The following TBC1D5 variants were observed in gnomAD, a reference collection of about 807,000 sequenced individuals.
The protein encoded by TBC1D5 is TBC1 domain family, member 5.
TBC1D5 carries 75 observed loss-of-function variants against 100.3 expected under a neutral mutation model. The observed-to-expected ratio is 0.75, with a 90% confidence interval of 0.62 to 0.91. The LOEUF (loss-of-function observed/expected upper bound fraction) is 0.91, where lower values mean the gene tolerates loss of function less well. Ranked by LOEUF, TBC1D5 falls within the 40% of genes least tolerant of loss-of-function variation. The pLI is 0.00. For synonymous variants in TBC1D5, 323 were observed against 325.6 expected (o/e 0.99, Z 0.09); for missense variants, 910 against 942.4 (o/e 0.97, Z 0.45).
intron 1 of TBC1D5, among the ~76,000 whole-genome samples, chr3:17,708,284 C>G (rs9881006): frequency 6.6e-6 from 1 of 152,314 alleles, no homozygotes; most frequent in African/African-American, 2.4e-5. Flanking sequence ...CTGTATCTAT[C>G]GATCTACTTT....
rs761650040 is a variant in TBC1D5 at position 17,238,136 on chromosome 3, T to C, written c.1588+27A>G. On this transcript the variant is annotated intron_variant, in intron 17 of 21. Coordinates refer to ENST00000253692, the Ensembl canonical transcript of TBC1D5. ...CCCAGGCTACACCATGAATGTTTTCTTTAGATTTACTAGTATTTTTTCCTA... is the reference window on the plus strand; with the variant it reads ...CCCAGGCTACACCATGAATGTTTTCCTTAGATTTACTAGTATTTTTTCCTA... 1.9e-6 allele frequency: 3 copies of C among 1,600,862 alleles called. No individual in the cohort carries two copies. The South Asian group carries it at 3.4e-5, about 18-fold the overall frequency.
chr3:17,564,077 C>T (rs770332936), intron 2 of TBC1D5, among the ~76,000 whole-genome samples: 7 of 152,174 alleles, frequency 4.6e-5, no homozygotes, highest in Non-Finnish European at 1.0e-4. Context: ...CCACCGTGCC[C>T]GGCCTTACAG....
chr3:17,228,411 A>G (rs1356623091), intron 17 of TBC1D5, among the ~76,000 whole-genome samples: 1 of 152,238 alleles, frequency 6.6e-6, no homozygotes, highest in Non-Finnish European at 1.5e-5. Context: ...AGTGGAAGGC[A>G]TAGAGATGGC....
At chr3:17,224,871 C>T (rs1193770254) in intron 17 of TBC1D5, among the ~76,000 whole-genome samples, 3 of 152,138 alleles carry the variant, frequency 2.0e-5, no homozygotes, top group Non-Finnish European at 4.4e-5. Flanking sequence ...CAGCTCTTAT[C>T]AAAACTTATC....
At chr3:17,455,381 C>A (rs2095050316) in intron 3 of TBC1D5, among the ~76,000 whole-genome samples, 1 of 138,674 alleles carries the variant, frequency 7.2e-6, no homozygotes. Context: ...TATGTATAAG[C>A]CAAAAAAAGT....
chr3:17,266,709 G>A (rs1417326505), intron 15 of TBC1D5, among the ~76,000 whole-genome samples: 3 of 152,048 alleles, frequency 2.0e-5, no homozygotes. Context: ...ATAAATATTT[G>A]TAACTTGGTT....
chr3:17,511,919 G>A (rs1034474262), intron 2 of TBC1D5, among the ~76,000 whole-genome samples: 12 of 151,944 alleles, frequency 7.9e-5, no homozygotes, highest in African/African-American at 1.2e-4. Flanking sequence ...TGAAGAAAAC[G>A]TGTGGATAAT....
intron 1 of TBC1D5, among the ~76,000 whole-genome samples, chr3:17,727,071 C>G (rs2076187711): frequency 6.6e-6 from 1 of 152,130 alleles, no homozygotes; most frequent in Admixed American, 6.5e-5. Context: ...ATTGTCCCCC[C>G]ACTAGCAATA....
chr3:17,700,557 A>G (rs2073001685), intron 1 of TBC1D5, among the ~76,000 whole-genome samples: 1 of 152,252 alleles, frequency 6.6e-6, no homozygotes, highest in African/African-American at 2.4e-5. Context: ...ACAGAATAGG[A>G]GAAAATTTTT....
intron 3 of TBC1D5, among the ~76,000 whole-genome samples, chr3:17,464,319 A>G (rs1268399831): frequency 2.0e-5 from 3 of 152,046 alleles, no homozygotes; most frequent in Admixed American, 6.5e-5. Flanking sequence ...CTCCACCTCA[A>G]ACCAAGATGC....
chr3:17,720,056 G>T (rs1380664507), intron 1 of TBC1D5, among the ~76,000 whole-genome samples: 3 of 152,182 alleles, frequency 2.0e-5, no homozygotes, highest in African/African-American at 7.2e-5. Context: ...CATCACGAGT[G>T]TCTAAAGTAA....
In TBC1D5 at chr3:17,728,035, A is replaced by C. The variant is rs191803341; in HGVS notation, c.-101+11308T>G. 1.0e-3 allele frequency among the ~76,000 whole-genome samples: 154 copies of C among 152,316 alleles called. 2 individuals are homozygous for C. The South Asian group carries it at 0.018, about 18-fold the overall frequency. The stretch of plus-strand genomic sequence containing the variant: ...ATATTGGAAGGACAAAGGGTGGAAA[A>C]TATAACTATGTCAAGAGAAACCCAA... On this transcript the variant is annotated intron_variant, in intron 1 of 21. Transcript: ENST00000253692.
At chr3:17,690,698 C>T (rs1352640486) in intron 1 of TBC1D5, among the ~76,000 whole-genome samples, 2 of 152,140 alleles carry the variant, frequency 1.3e-5, no homozygotes, top group Non-Finnish European at 2.9e-5. Context: ...GTGAACTGTA[C>T]ATGTGAGCGA....
At chr3:17,390,796 A>T (rs551466232) in intron 8 of TBC1D5, among the ~76,000 whole-genome samples, 25 of 152,160 alleles carry the variant, frequency 1.6e-4, no homozygotes, top group Non-Finnish European at 1.9e-4. Context: ...CACAACAAGG[A>T]ACAATTTGAT....
At chr3:17,395,412 A>G (rs185495939) in intron 8 of TBC1D5, among the ~76,000 whole-genome samples, 1 of 152,272 alleles carries the variant, frequency 6.6e-6, no homozygotes, top group East Asian at 1.9e-4. Flanking sequence ...TTCAATAATT[A>G]AGAAAAAAAT....
At chr3:17,192,774 T>C (rs2070118053) in intron 18 of TBC1D5, among the ~76,000 whole-genome samples, 1 of 152,254 alleles carries the variant, frequency 6.6e-6, no homozygotes, top group Non-Finnish European at 1.5e-5. Context: ...TATGGCCAGG[T>C]AGCTGGGCAA....
chr3:17,185,593 C>T (rs111250846), intron 18 of TBC1D5, among the ~76,000 whole-genome samples: 1,963 of 152,148 alleles, frequency 0.013, 24 homozygotes, highest in Admixed American at 0.022. Flanking sequence ...ACTACACTTC[C>T]TAAGCAGCTG....
intron 17 of TBC1D5, among the ~76,000 whole-genome samples, chr3:17,226,002 C>T (rs1036713709): frequency 1.3e-5 from 2 of 151,890 alleles, no homozygotes; most frequent in African/African-American, 4.8e-5. Flanking sequence ...ATTTTGGTAT[C>T]CGCAGGGGTC....
At chr3:17,553,340 T>G (rs1178534545) in intron 2 of TBC1D5, among the ~76,000 whole-genome samples, 1 of 152,168 alleles carries the variant, frequency 6.6e-6, no homozygotes, top group Non-Finnish European at 1.5e-5. Flanking sequence ...AATCCAAAAG[T>G]CTGGCAACAC....
Sources: allele counts gnomAD v4.1 joint callset (sites outside exome capture counted in the v4.1 genomes callset), GRCh38; gene constraint gnomAD v4.1.1; transcripts MANE v1.5; gene names NCBI Gene and HGNC (gene_info 2026-07-23, HGNC 2026-07-21).